Variants in DCLK1 observed in about 807,000 individuals in gnomAD.
DCLK1 encodes doublecortin like kinase 1.
Under a neutral mutation model 86.2 loss-of-function variants are expected in DCLK1, and 16 were observed. The ratio of observed to expected loss-of-function variants is 0.19; its 90% CI spans 0.13 to 0.28. The LOEUF is 0.28. Among genes scored for constraint, DCLK1 ranks in the 10% least tolerant of loss-of-function variants. The pLI, the probability that DCLK1 is intolerant of heterozygous loss-of-function variation, is 1.00. For synonymous variants in DCLK1, 369 were observed against 370.5 expected (o/e 1.00, Z 0.05); for missense variants, 590 against 940.2 (o/e 0.63, Z 4.87).
intron 8 of DCLK1, among the ~76,000 whole-genome samples, chr13:35,833,205 C>A (rs1869098420): frequency 6.6e-6 from 1 of 152,104 alleles, no homozygotes; most frequent in African/African-American, 2.4e-5. Context: ...GCAATGCCAG[C>A]AGTGCAGGTG....
At chr13:35,909,597 A>ATGTGTGTG (rs57044533) in intron 4 of DCLK1, among the ~76,000 whole-genome samples, 4 of 146,178 alleles carry the variant, frequency 2.7e-5, no homozygotes, top group African/African-American at 1.0e-4. Context: ...CTGTGTGCAT[A>ATGTGTGTG]TGTGTGTGTG....
At chr13:35,908,277 C>A (rs116100779) in intron 4 of DCLK1, among the ~76,000 whole-genome samples, 1 of 152,148 alleles carries the variant, frequency 6.6e-6, no homozygotes, top group Non-Finnish European at 1.5e-5. Flanking sequence ...TATTAGGAAA[C>A]AAGTCTCAGC....
chr13:36,086,406 A>T (rs1884600903), intron 3 of DCLK1, among the ~76,000 whole-genome samples: 1 of 150,820 alleles, frequency 6.6e-6, no homozygotes, highest in African/African-American at 2.4e-5. Context: ...CTCAGACAAC[A>T]TTACTGGCTG....
Position 36,111,923 on chromosome 13 carries a change from G to A in DCLK1, c.669C>T (p.Ala223=), listed in dbSNP as rs1265531242. ...TCACCACTCCCGAGTCCAGCTTGAT[G>A]GCATCGGTGATATCGGTGAGGACCT... ...FEQVLTDITD[A]IKLDSGVVKR... Residue 223 remains alanine, a synonymous_variant, in exon 3 of 17, where the codon GCC becomes GCT. Coordinates refer to ENST00000360631, the MANE Select transcript of DCLK1 (RefSeq NM_001330071.2). The A allele has an allele frequency of 2.5e-6, 4 of 1,614,086 alleles. No individual in the cohort carries two copies. The highest frequency in any genetic ancestry group is 1.3e-5 in the African/African-American group (1 of 74,932).
At chr13:35,984,518 A>C (rs962660279) in intron 3 of DCLK1, among the ~76,000 whole-genome samples, 5 of 152,172 alleles carry the variant, frequency 3.3e-5, no homozygotes, top group Non-Finnish European at 5.9e-5. Flanking sequence ...GCAGCAAACT[A>C]TCAACTTTGG....
At chr13:35,933,017 G>A (rs912633308) in intron 4 of DCLK1, among the ~76,000 whole-genome samples, 9 of 152,226 alleles carry the variant, frequency 5.9e-5, no homozygotes, top group South Asian at 2.1e-4. Flanking sequence ...ATGGGGGTAC[G>A]GGCACTGGGT....
chr13:35,921,676 T>G (rs1034642858), intron 4 of DCLK1, among the ~76,000 whole-genome samples: 4 of 152,118 alleles, frequency 2.6e-5, no homozygotes, highest in African/African-American at 4.8e-5. Context: ...GTGGCCAAAG[T>G]GAAACAAATG....
intron 4 of DCLK1, among the ~76,000 whole-genome samples, chr13:35,874,556 T>C (rs1423294976): frequency 6.6e-6 from 1 of 152,200 alleles, no homozygotes; most frequent in East Asian, 1.9e-4. Flanking sequence ...CAACAGTTAC[T>C]TGGGCCACTG....
chr13:35,805,999 T>A (rs994409530), intron 14 of DCLK1, among the ~76,000 whole-genome samples: 2 of 152,192 alleles, frequency 1.3e-5, no homozygotes, highest in Admixed American at 1.3e-4. Context: ...GAATAAAAAT[T>A]AAATTAATAT....
At chr13:35,803,615 C>T (rs928998523) in intron 15 of DCLK1, among the ~76,000 whole-genome samples, 1 of 152,176 alleles carries the variant, frequency 6.6e-6, no homozygotes, top group Non-Finnish European at 1.5e-5. Context: ...TCTAGTGGCA[C>T]AACATGAATG....
chr13:35,776,751 A>G (rs904972106), intron 16 of DCLK1, among the ~76,000 whole-genome samples: 7 of 152,238 alleles, frequency 4.6e-5, no homozygotes, highest in Non-Finnish European at 1.0e-4. Flanking sequence ...ATGTGCACAA[A>G]GCTCACATTA....
At chr13:36,040,255 G>A (rs972036795) in intron 3 of DCLK1, among the ~76,000 whole-genome samples, 2 of 150,028 alleles carry the variant, frequency 1.3e-5, no homozygotes, top group African/African-American at 2.4e-5. Context: ...ACATTTAGTC[G>A]TTGTTTTCTT....
chr13:35,850,199 T>C (rs7995125), intron 6 of DCLK1: 702,950 of 983,506 alleles, frequency 0.71, 251,979 homozygotes, highest in African/African-American at 0.77. Flanking sequence ...TCTACCCAAG[T>C]ATTTTTATTA....
rs528683458 is a variant in DCLK1, at chr13:35,934,786, C to T, written c.823+12572G>A. On this transcript the variant is annotated intron_variant, in intron 4 of 16. Transcript: ENST00000360631. The stretch of plus-strand genomic sequence containing the variant: ...CTGTTGAGAATCCTGATTAATACAG[C>T]GACCTTGGGCAGTTTCTCAACTTCT... Among the ~76,000 whole-genome samples the T allele has an allele frequency of 1.2e-4, 18 of 152,234 alleles. No individual in the cohort carries two copies. The South Asian group carries it at 2.1e-3, about 18-fold the overall frequency.
At position 35,810,261 on chromosome 13, in the gene DCLK1, G is replaced by A. The variant is rs566562258; in HGVS notation, c.1688+574C>T. Among the ~76,000 whole-genome samples the A allele has an allele frequency of 7.9e-4, 121 of 152,282 alleles. 1 individual carries two copies. In the Middle Eastern group the frequency reaches 0.01, roughly 13 times the overall value. ...AGAGTAAGAAGTAAAGGAGTTTCAG[G>A]CCTAGCATATTGTGGGGTCTTAGTA... is the stretch of plus-strand genomic sequence containing the variant. On this transcript the variant is annotated intron_variant, in intron 12 of 16. Coordinates refer to ENST00000360631, the MANE Select transcript of DCLK1 (RefSeq NM_001330071.2).
chr13:35,909,548 G>A (rs1252035391), intron 4 of DCLK1, among the ~76,000 whole-genome samples: 1 of 149,900 alleles, frequency 6.7e-6, no homozygotes, highest in Non-Finnish European at 1.5e-5. Flanking sequence ...GAAATGGCCG[G>A]AACACTGTAA....
At chr13:35,970,643 G>A (rs1233838612) in intron 3 of DCLK1, among the ~76,000 whole-genome samples, 1 of 152,098 alleles carries the variant, frequency 6.6e-6, no homozygotes, top group East Asian at 1.9e-4. Flanking sequence ...CCTTTAAGGT[G>A]CCATCCTGGG....
chr13:36,058,070 T>C (rs1242707683), intron 3 of DCLK1, among the ~76,000 whole-genome samples: 1 of 152,168 alleles, frequency 6.6e-6, no homozygotes, highest in African/African-American at 2.4e-5. Context: ...AGTGCTCTAA[T>C]AGGACATTCA....
intron 3 of DCLK1, among the ~76,000 whole-genome samples, chr13:35,995,065 A>G (rs1295876293): frequency 1.3e-5 from 2 of 152,236 alleles, no homozygotes; most frequent in Non-Finnish European, 2.9e-5. Flanking sequence ...ACCAAATAGC[A>G]TATGCTCTGA....
Sources: gnomAD v4.1 joint callset for allele counts (sites outside exome capture counted in the v4.1 genomes callset) on GRCh38, gnomAD v4.1.1 for gene constraint, MANE v1.5 for transcripts, NCBI Gene and HGNC (gene_info 2026-07-23, HGNC 2026-07-21) for gene names.